Variants in SREK1 observed in about 807,000 individuals in gnomAD.
SREK1 encodes splicing regulatory glutamic acid and lysine rich protein 1, also known as splicing regulatory glutamine/lysine-rich protein 1.
A neutral mutation model predicts 66.5 loss-of-function variants in SREK1; 13 were observed. The ratio of observed to expected loss-of-function variants is 0.20; its 90% CI spans 0.13 to 0.31. The LOEUF is 0.31. Among genes scored for constraint, SREK1 ranks in the 10% least tolerant of loss-of-function variants. The pLI, the probability that SREK1 is intolerant of heterozygous loss-of-function variation, is 1.00. For missense variants in SREK1, 607 were observed against 769.6 expected (o/e 0.79, Z 2.50); for synonymous variants, 265 against 263.5 (o/e 1.01, Z -0.05).
intron 2 of SREK1, 87 bp downstream of exon 2, chr5:66,153,683 A>G (rs1180159586): frequency 1.9e-6 from 3 of 1,546,438 alleles, no homozygotes; most frequent in South Asian, 1.1e-5. Context: ...GCAAGTAGAC[A>G]GTACTCTTGG....
rs1408437234 is a variant in SREK1, at chr5:66,170,759, CAG to C, written c.1306_1307del (p.Glu436ThrfsTer6). ...ACCGGGAAAAAGACAAGGAAAAGGA[CAG>C]AGAGAGAGAACGGGAAAAAGAGCAT... is the stretch of plus-strand genomic sequence containing the variant. Reference protein sequence around the residue: ...KDREKDKEKDREREREKEHEK... With the variant: ...KDREKDKEKDXEREREKEHEK... On this transcript the variant is annotated frameshift_variant, in exon 9 of 12. Transcript: ENST00000334121. LOFTEE classifies it high-confidence loss of function. 4 of 1,598,488 alleles carry C rather than the reference CAG, an allele frequency of 2.5e-6. No individual in the cohort carries two copies. Among genetic ancestry groups the C allele is most frequent in the Admixed American group, 3.5e-5 (2 of 56,962 alleles).
chr5:66,157,236 C>T, intron 2 of SREK1: 1 of 985,046 alleles, frequency 1.0e-6, no homozygotes, highest in Non-Finnish European at 1.2e-6. Flanking sequence ...AGTTTGACAA[C>T]CTACTGATAC....
rs937358885 is a variant in SREK1 at position 66,178,775 on chromosome 5, G to A, written c.1782G>A (p.Lys594=). 2.5e-6 allele frequency: 4 copies of A among 1,612,518 alleles called. No homozygotes were observed. The highest frequency in any genetic ancestry group is 2.7e-5 in the African/African-American group (2 of 74,846). The stretch of plus-strand genomic sequence containing the variant: ...GTGTGAGCAAAGAAGTAGATGACAA[G>A]GATGCACCAAGGACTGAGGAAAACA... The part of the protein sequence containing the change: ...DSSVSKEVDD[K]DAPRTEENKI... The change falls in exon 12 of 12, where the codon AAG becomes AAA. Residue 594 remains lysine, a synonymous_variant. Coordinates refer to ENST00000334121, the MANE Select transcript of SREK1 (RefSeq NM_001077199.3).
At chr5:66,157,131 G>A (rs1483962114) in intron 2 of SREK1, 1 of 946,094 alleles carries the variant, frequency 1.1e-6, no homozygotes, top group Admixed American at 6.2e-5. Flanking sequence ...GTAATTGAAA[G>A]TTAATTTATT....
At chr5:66,152,966 A>C (rs1743972611) in intron 1 of SREK1, among the ~76,000 whole-genome samples, 1 of 152,160 alleles carries the variant, frequency 6.6e-6, no homozygotes, top group Non-Finnish European at 1.5e-5. Flanking sequence ...ATCACTGTCC[A>C]GCTCTGGTGT....
At chr5:66,157,041 T>G (rs1744345879) in intron 2 of SREK1, 2 of 984,656 alleles carry the variant, frequency 2.0e-6, no homozygotes, top group Non-Finnish European at 2.4e-6. Flanking sequence ...TCTTGGAAAT[T>G]AAGCAATGGA....
In SREK1 at chr5:66,182,145, G is replaced by GT. The variant is rs1475958343; in HGVS notation, c.*3277_*3278insT. 1.9e-3 allele frequency: 287 copies of GT among 151,812 alleles called. No individual in the cohort carries two copies. Among genetic ancestry groups the GT allele is most frequent in the African/African-American group, 6.4e-3 (263 of 41,392 alleles). The allele number at this position is 151,812 out of a possible 1,614,324, so 9.4% of individuals were successfully genotyped here. A position where few individuals can be genotyped will look rare whatever the true frequency, so the allele number is the denominator to read the frequency against. The stretch of plus-strand genomic sequence containing the variant: ...TTATTGTTGAATTAACAATTAAAAT[G>GT]AATCCCTTTGGAGGGATGGCATTGA... On this transcript the variant is annotated 3_prime_UTR_variant, in exon 12 of 12. Coordinates refer to ENST00000334121, the MANE Select transcript of SREK1 (RefSeq NM_001077199.3).
Position 66,144,404 on chromosome 5 carries a change from G to C in SREK1, c.28G>C (p.Gly10Arg), listed in dbSNP as rs746251710. 1 of 1,550,914 alleles carries C rather than the reference G, an allele frequency of 6.4e-7. No homozygotes were observed. The highest frequency in any genetic ancestry group is 8.7e-7 in the Non-Finnish European group (1 of 1,146,648). Reference sequence around the variant, plus strand: ...GAACAGCGGCGGCGGCTTCGGTTTGGGCTTAGGCTTCGGCCTCACCCCCAC... The same window carrying C: ...GAACAGCGGCGGCGGCTTCGGTTTGCGCTTAGGCTTCGGCCTCACCCCCAC... MNSGGGFGL[G>R]LGFGLTPTSV... The change falls in exon 1 of 12, where the codon GGC becomes CGC. Residue 10 changes from glycine to arginine, a missense_variant. Coordinates refer to ENST00000334121, the MANE Select transcript of SREK1 (RefSeq NM_001077199.3).
At chr5:66,157,661 C>G (rs1744405651) in intron 2 of SREK1, 1 of 970,922 alleles carries the variant, frequency 1.0e-6, no homozygotes, top group Non-Finnish European at 1.2e-6. Context: ...GCCTACCTGC[C>G]TTTTGTTGAT....
chr5:66,144,635 T>C, intron 1 of SREK1, 98 bp downstream of exon 1: 2 of 1,443,020 alleles, frequency 1.4e-6, no homozygotes, highest in Non-Finnish European at 9.1e-7. Context: ...GCGCGGTGCA[T>C]GTCACGTGAT....
chr5:66,161,291 A>G (rs1456666835), intron 3 of SREK1, among the ~76,000 whole-genome samples: 2 of 152,150 alleles, frequency 1.3e-5, no homozygotes, highest in Non-Finnish European at 2.9e-5. Context: ...CTTAGTAAGT[A>G]AAATTTTTTT....
chr5:66,147,142 G>C (rs1183837896), intron 1 of SREK1, among the ~76,000 whole-genome samples: 1 of 152,198 alleles, frequency 6.6e-6, no homozygotes, highest in Non-Finnish European at 1.5e-5. Context: ...CAGTGGTTGA[G>C]TTTCATCTTT....
At chr5:66,160,780 A>G (rs1437039282) in intron 3 of SREK1, among the ~76,000 whole-genome samples, 2 of 152,226 alleles carry the variant, frequency 1.3e-5, no homozygotes, top group Admixed American at 6.5e-5. Context: ...TTAGTTCTGT[A>G]TCATATTTGT....
At chr5:66,155,157 G>A (rs1234461929) in intron 2 of SREK1, among the ~76,000 whole-genome samples, 1 of 152,104 alleles carries the variant, frequency 6.6e-6, no homozygotes, top group African/African-American at 2.4e-5. Flanking sequence ...AAGATGATGG[G>A]CGTGTAGATG....
chr5:66,144,786 C>A, intron 1 of SREK1: 3 of 1,209,276 alleles, frequency 2.5e-6, no homozygotes, highest in Non-Finnish European at 3.1e-6. Context: ...TCTGTGCCTC[C>A]GGGACTTGTG....
intron 2 of SREK1, 143 bp from the exon 3 acceptor site, chr5:66,159,076 T>A (rs1744516077): frequency 7.0e-7 from 1 of 1,423,802 alleles, no homozygotes; most frequent in African/African-American, 1.4e-5. Context: ...AGACTTAAGT[T>A]CTTATTTATT....
chr5:66,174,150 G>A (rs1048093850), intron 9 of SREK1, among the ~76,000 whole-genome samples: 4 of 143,130 alleles, frequency 2.8e-5, no homozygotes, highest in African/African-American at 1.1e-4. Flanking sequence ...GTATGTCCTC[G>A]TACCATATCC....
At chr5:66,159,164 G>A in intron 2 of SREK1, 55 bp from the exon 3 acceptor site, 1 of 1,564,902 alleles carries the variant, frequency 6.4e-7, no homozygotes, top group Non-Finnish European at 8.6e-7. Context: ...AAATCATAGT[G>A]TAAAGTTTGT....
In SREK1 at chr5:66,173,112, C is replaced by T. The variant is rs549715758; in HGVS notation, c.1485-1834C>T. 2.1e-4 allele frequency among the ~76,000 whole-genome samples: 32 copies of T among 152,116 alleles called. 1 individual carries two copies. The South Asian group carries it at 3.5e-3, about 17-fold the overall frequency. ...CCTCCCAAAGTGCTGGAATTACAGA[C>T]GTGAGCCGCCACCGCCCCCAGCCAA... On this transcript the variant is annotated intron_variant, in intron 9 of 11. Coordinates refer to ENST00000334121, the MANE Select transcript of SREK1 (RefSeq NM_001077199.3).
Sources: allele counts gnomAD v4.1 joint callset (sites outside exome capture counted in the v4.1 genomes callset), GRCh38; gene constraint gnomAD v4.1.1; transcripts MANE v1.5; gene names NCBI Gene and HGNC (gene_info 2026-07-23, HGNC 2026-07-21).